Variants in RANBP9 observed in about 807,000 individuals in gnomAD.
RANBP9 encodes ran-binding protein 9.
RANBP9 carries 15 observed loss-of-function variants against 84.3 expected under a neutral mutation model. The ratio of observed to expected loss-of-function variants is 0.18; its 90% confidence interval spans 0.12 to 0.27. The LOEUF is 0.27. Ranked by LOEUF, RANBP9 falls within the 10% of genes least tolerant of loss-of-function variation. RANBP9 has a pLI of 1.00. For synonymous variants in RANBP9, 392 were observed against 349.6 expected (o/e 1.12, Z -1.35); for missense variants, 809 against 912.8 (o/e 0.89, Z 1.46).
At chr6:13,671,080 CA>C in intron 2 of RANBP9, among the ~76,000 whole-genome samples, 1 of 152,210 alleles carries the variant, frequency 6.6e-6, no homozygotes, top group East Asian at 1.9e-4. Context: ...CTATGTTAAT[CA>C]TTAGTAATTA....
intron 2 of RANBP9, among the ~76,000 whole-genome samples, chr6:13,688,082 C>T (rs938621187): frequency 6.6e-6 from 1 of 152,192 alleles, no homozygotes; most frequent in African/African-American, 2.4e-5. Flanking sequence ...ACACCAGGTA[C>T]TCTAATAAGT....
At chr6:13,707,975 A>T (rs1758171973) in intron 1 of RANBP9, among the ~76,000 whole-genome samples, 1 of 152,228 alleles carries the variant, frequency 6.6e-6, no homozygotes, top group South Asian at 2.1e-4. Context: ...CTTTAAAAAA[A>T]TTTCACATAT....
intron 2 of RANBP9, among the ~76,000 whole-genome samples, chr6:13,696,435 A>G (rs1362184142): frequency 3.9e-5 from 6 of 152,168 alleles, no homozygotes; most frequent in Non-Finnish European, 8.8e-5. Context: ...TGAATCACCA[A>G]CTGACTATGA....
intron 5 of RANBP9, among the ~76,000 whole-genome samples, chr6:13,645,399 T>A (rs1263746607): frequency 1.3e-5 from 2 of 152,050 alleles, no homozygotes; most frequent in Non-Finnish European, 2.9e-5. Flanking sequence ...TGCATTCAGG[T>A]ACACTCCATG....
At chr6:13,624,714 C>T (rs1194551991) in intron 13 of RANBP9, among the ~76,000 whole-genome samples, 1 of 152,154 alleles carries the variant, frequency 6.6e-6, no homozygotes, top group Non-Finnish European at 1.5e-5. Context: ...AAACGAACAT[C>T]GAATTAGCGT....
chr6:13,644,811 T>G, intron 5 of RANBP9, 82 bp from the exon 6 acceptor site: 2 of 1,135,542 alleles, frequency 1.8e-6, no homozygotes, highest in South Asian at 4.5e-5. Flanking sequence ...TTTAAAAGAA[T>G]AGAACTATAA....
intron 2 of RANBP9, among the ~76,000 whole-genome samples, chr6:13,691,053 G>C (rs1766312138): frequency 1.3e-5 from 2 of 151,522 alleles, no homozygotes. Flanking sequence ...TGTAATCCCA[G>C]CTACTAGGAC....
chr6:13,662,007 T>A (rs1040624367), intron 2 of RANBP9, among the ~76,000 whole-genome samples: 12 of 152,128 alleles, frequency 7.9e-5, no homozygotes, highest in Non-Finnish European at 1.8e-4. Context: ...AAATAAGATA[T>A]TTTAAGACAC....
At chr6:13,710,296 T>C (rs1758240872) in intron 1 of RANBP9, among the ~76,000 whole-genome samples, 1 of 152,104 alleles carries the variant, frequency 6.6e-6, no homozygotes. Context: ...GCACTTCCAA[T>C]CGGGAGGGGT....
At chr6:13,687,787 A>G (rs1038199700) in intron 2 of RANBP9, among the ~76,000 whole-genome samples, 3 of 152,206 alleles carry the variant, frequency 2.0e-5, no homozygotes, top group South Asian at 4.1e-4. Context: ...TCTCAGATCT[A>G]TTTTCCATAT....
chr6:13,672,418 C>G (rs1023505715), intron 2 of RANBP9, among the ~76,000 whole-genome samples: 3 of 151,974 alleles, frequency 2.0e-5, no homozygotes, highest in African/African-American at 7.2e-5. Flanking sequence ...AAGAAATAGA[C>G]TTTTTTTAAT....
At chr6:13,644,872 A>T (rs555465347) in intron 5 of RANBP9, 143 bp from the exon 6 acceptor site, 13 of 685,710 alleles carry the variant, frequency 1.9e-5, no homozygotes, top group Non-Finnish European at 2.9e-5. Context: ...GGCTAAAACA[A>T]ATGATCTAAA....
intron 5 of RANBP9, among the ~76,000 whole-genome samples, chr6:13,649,461 G>GA (rs375894187): frequency 0.05 from 4,639 of 92,656 alleles, 135 homozygotes; most frequent in South Asian, 0.088. Flanking sequence ...TGCCACAACA[G>GA]AAAAAAAAAA....
At chr6:13,697,764 G>A (rs1757876259) in intron 1 of RANBP9, among the ~76,000 whole-genome samples, 1 of 152,148 alleles carries the variant, frequency 6.6e-6, no homozygotes. Context: ...TAGCATGTCA[G>A]AAAGTACTCA....
chr6:13,710,793 G>A (rs900805018), intron 1 of RANBP9, 142 bp downstream of exon 1: 70 of 879,282 alleles, frequency 8.0e-5, no homozygotes, highest in Non-Finnish European at 1.1e-4. Flanking sequence ...GCGCCCACCC[G>A]GAGCAGCACA....
chr6:13,689,696 T>C (rs920334521), intron 2 of RANBP9, among the ~76,000 whole-genome samples: 2 of 152,186 alleles, frequency 1.3e-5, no homozygotes, highest in Admixed American at 6.5e-5. Context: ...TTTACCATAG[T>C]CTGGAATGTT....
At chr6:13,670,666 G>T (rs1252733194) in intron 2 of RANBP9, among the ~76,000 whole-genome samples, 2 of 152,074 alleles carry the variant, frequency 1.3e-5, no homozygotes, top group East Asian at 1.9e-4. Context: ...CGGGCGTGGT[G>T]GTGGGCGCCT....
intron 1 of RANBP9, among the ~76,000 whole-genome samples, chr6:13,698,924 A>C (rs1185735742): frequency 6.6e-6 from 1 of 152,210 alleles, no homozygotes; most frequent in Non-Finnish European, 1.5e-5. Flanking sequence ...TTCGGGGATC[A>C]CTTCACATAT....
intron 2 of RANBP9, among the ~76,000 whole-genome samples, chr6:13,684,158 C>A (rs759918391): frequency 2.8e-4 from 42 of 152,120 alleles, no homozygotes; most frequent in Non-Finnish European, 5.4e-4. Flanking sequence ...TATGCAGCAC[C>A]TATTTTGTGT....
Sources: allele counts gnomAD v4.1 joint callset (sites outside exome capture counted in the v4.1 genomes callset), GRCh38; gene constraint gnomAD v4.1.1; transcripts MANE v1.5; gene names NCBI Gene and HGNC (gene_info 2026-07-23, HGNC 2026-07-21).